The following DGKG variants were observed in gnomAD, a reference collection of about 807,000 sequenced individuals.
DGKG encodes the protein diacylglycerol kinase gamma, also known as DAG kinase gamma.
A neutral mutation model predicts 105.3 loss-of-function variants in DGKG; 78 were observed. The observed-to-expected ratio is 0.74, with a 90% CI of 0.62 to 0.89. The LOEUF (loss-of-function observed/expected upper bound fraction) is 0.89, where lower values mean the gene tolerates loss of function less well. Among genes scored for constraint, DGKG ranks in the 40% least tolerant of loss-of-function variants. The probability of loss-of-function intolerance (pLI) is 0.00; values close to 1 mark genes in which losing one functional copy is unlikely to be tolerated. For missense variants in DGKG, 958 were observed against 1,020.1 expected (o/e 0.94, Z 0.83); for synonymous variants, 346 against 367.1 (o/e 0.94, Z 0.66).
intron 20 of DGKG, among the ~76,000 whole-genome samples, chr3:186,241,897 T>A (rs781488832): frequency 6.6e-6 from 1 of 152,186 alleles, no homozygotes; most frequent in Non-Finnish European, 1.5e-5. Flanking sequence ...CTCTTTCCTT[T>A]CATTTTTGAA....
At chr3:186,152,015 G>A (rs572366275) in intron 24 of DGKG, among the ~76,000 whole-genome samples, 2 of 152,160 alleles carry the variant, frequency 1.3e-5, no homozygotes, top group South Asian at 4.2e-4. Context: ...GGAGGCGGAG[G>A]TTGTGGTGAG....
At chr3:186,338,037 G>A (rs1460286966) in intron 1 of DGKG, among the ~76,000 whole-genome samples, 1 of 151,876 alleles carries the variant, frequency 6.6e-6, no homozygotes, top group Non-Finnish European at 1.5e-5. Flanking sequence ...GGGTGTGATG[G>A]TGTGTACCTG....
Position 186,149,411 on chromosome 3 carries a change from T to C in DGKG, c.*679A>G. On this transcript the variant is annotated 3_prime_UTR_variant, in exon 25 of 25. Transcript: ENST00000265022. ...TTGGAGCCGCCTCTAAGCAAACATG[T>C]AGACACCAGGAGAAGGTTCCTGGAA... 1 of 985,258 alleles carries C rather than the reference T, an allele frequency of 1.0e-6. No homozygotes were observed. 61.0% of individuals were successfully genotyped at this position (985,258 alleles called of 1,614,324 possible). A position where few individuals can be genotyped will look rare whatever the true frequency, so the allele number is the denominator to read the frequency against.
chr3:186,205,825 T>C (rs951304804), intron 21 of DGKG, among the ~76,000 whole-genome samples: 2 of 152,076 alleles, frequency 1.3e-5, no homozygotes, highest in Admixed American at 6.5e-5. Flanking sequence ...GTATTTGATA[T>C]ACTATTCTCA....
chr3:186,197,966 T>G (rs954578366), intron 21 of DGKG, among the ~76,000 whole-genome samples: 1 of 152,244 alleles, frequency 6.6e-6, no homozygotes, highest in Non-Finnish European at 1.5e-5. Flanking sequence ...GGAATGTATA[T>G]TCTGCCATGC....
chr3:186,184,156 TC>T (rs1273065834), intron 22 of DGKG, among the ~76,000 whole-genome samples: 1 of 152,118 alleles, frequency 6.6e-6, no homozygotes, highest in African/African-American at 2.4e-5. Flanking sequence ...TATACTATGT[TC>T]CAGGCACTTT....
intron 18 of DGKG, among the ~76,000 whole-genome samples, chr3:186,252,315 C>T (rs1397653766): frequency 1.3e-5 from 2 of 152,248 alleles, no homozygotes; most frequent in African/African-American, 4.8e-5. Flanking sequence ...GTCCTGCTTG[C>T]TTTGACACTG....
chr3:186,182,186 C>A (rs562743638), intron 22 of DGKG, among the ~76,000 whole-genome samples: 4 of 152,194 alleles, frequency 2.6e-5, no homozygotes, highest in Non-Finnish European at 4.4e-5. Context: ...AATACATAAC[C>A]CTAGAATTAC....
chr3:186,297,329 G>A lies in DGKG; in HGVS notation c.373+92C>T, dbSNP rs1723630241. ...TCTGCATAAGATTGCACAATTATAT[G>A]AAGACAGCACTGTTGGTTAGGTTTC... On this transcript the variant is annotated intron_variant, in intron 5 of 24. Coordinates refer to ENST00000265022, the MANE Select transcript of DGKG (RefSeq NM_001346.3). 6.2e-6 allele frequency: 6 copies of A among 960,138 alleles called. No individual in the cohort carries two copies. The Middle Eastern group carries it at 6.7e-4, about 108-fold the overall frequency. 59.5% of individuals were successfully genotyped at this position (960,138 alleles called of 1,614,324 possible).
chr3:186,223,834 C>T (rs893819585), intron 20 of DGKG, among the ~76,000 whole-genome samples: 2 of 152,230 alleles, frequency 1.3e-5, no homozygotes, highest in African/African-American at 4.8e-5. Context: ...TTGTCATCCT[C>T]ACCTGGCCTG....
At chr3:186,355,697 C>T (rs557750478) in intron 1 of DGKG, among the ~76,000 whole-genome samples, 3 of 151,820 alleles carry the variant, frequency 2.0e-5, no homozygotes, top group East Asian at 1.9e-4. Flanking sequence ...CCATTATCAC[C>T]ATCACCAGCA....
intron 21 of DGKG, among the ~76,000 whole-genome samples, chr3:186,204,112 A>T (rs918830280): frequency 3.3e-5 from 5 of 152,134 alleles, no homozygotes; most frequent in Non-Finnish European, 7.4e-5. Context: ...TCTCTTTTTT[A>T]AAAATAATAG....
intron 2 of DGKG, among the ~76,000 whole-genome samples, chr3:186,314,007 T>G (rs1229325834): frequency 6.6e-6 from 1 of 152,240 alleles, no homozygotes; most frequent in African/African-American, 2.4e-5. Context: ...TCTCTGACTC[T>G]GACAGTTTTG....
At chr3:186,238,292 T>TAA (rs5855085) in intron 20 of DGKG, among the ~76,000 whole-genome samples, 2,241 of 80,928 alleles carry the variant, frequency 0.028, 127 homozygotes, top group African/African-American at 0.081. Flanking sequence ...TGACTCTTTC[T>TAA]AAAAAAAAAA....
intron 20 of DGKG, among the ~76,000 whole-genome samples, chr3:186,229,595 C>G (rs1330403929): frequency 6.6e-6 from 1 of 152,180 alleles, no homozygotes; most frequent in African/African-American, 2.4e-5. Context: ...CTGTTCTAAA[C>G]CACCCAGCTG....
At chr3:186,333,866 G>A (rs1350238085) in intron 1 of DGKG, among the ~76,000 whole-genome samples, 3 of 152,210 alleles carry the variant, frequency 2.0e-5, no homozygotes, top group South Asian at 4.2e-4. Context: ...GTGTGTGTGT[G>A]TTTTAACAGT....
intron 1 of DGKG, among the ~76,000 whole-genome samples, chr3:186,342,872 T>C (rs1465055336): frequency 6.6e-6 from 1 of 152,040 alleles, no homozygotes; most frequent in Non-Finnish European, 1.5e-5. Flanking sequence ...GGAAAAGAAA[T>C]GGTCCTTTTA....
At chr3:186,359,849 T>A (rs878937855) in intron 1 of DGKG, among the ~76,000 whole-genome samples, 1 of 152,188 alleles carries the variant, frequency 6.6e-6, no homozygotes, top group Non-Finnish European at 1.5e-5. Context: ...ACTTCCCAAT[T>A]TTTAGGCAAT....
chr3:186,271,979 A>G (rs1212407167), intron 11 of DGKG, among the ~76,000 whole-genome samples: 1 of 152,196 alleles, frequency 6.6e-6, no homozygotes, highest in South Asian at 2.1e-4. Flanking sequence ...CTTTGCTTAC[A>G]TGCCCGTCTC....
Sources: allele counts gnomAD v4.1 joint callset (sites outside exome capture counted in the v4.1 genomes callset), GRCh38; gene constraint gnomAD v4.1.1; transcripts MANE v1.5; gene names NCBI Gene and HGNC (gene_info 2026-07-23, HGNC 2026-07-21).